Variants in PLEKHG4B observed in about 807,000 individuals in gnomAD.
The protein encoded by PLEKHG4B is pleckstrin homology and RhoGEF domain containing G4B, also known as pleckstrin homology domain-containing family G member 4B.
Under a neutral mutation model 121.3 loss-of-function variants are expected in PLEKHG4B, and 111 were observed. That is an observed-to-expected ratio of 0.92 (90% CI 0.78 to 1.07). The LOEUF (loss-of-function observed/expected upper bound fraction) is 1.07. PLEKHG4B is among the 50% of genes least tolerant of loss of function. PLEKHG4B has a pLI of 0.00. For missense variants in PLEKHG4B, 1,831 were observed against 1,757.8 expected (o/e 1.04, Z -0.74); for synonymous variants, 738 against 725.0 (o/e 1.02, Z -0.29).
At chr5:154,045 C>A (rs899412251) in intron 7 of PLEKHG4B, among the ~76,000 whole-genome samples, 1 of 150,932 alleles carries the variant, frequency 6.6e-6, no homozygotes, top group African/African-American at 2.4e-5. Context: ...CGTTCTATGT[C>A]GCCAGGCTGG....
intron 13 of PLEKHG4B, among the ~76,000 whole-genome samples, chr5:165,191 C>G (rs1437365288): frequency 1.3e-4 from 7 of 54,960 alleles, no homozygotes; most frequent in African/African-American, 4.1e-4. Flanking sequence ...CAGTACTCCT[C>G]TGACGGGGCG....
At position 162,035 on chromosome 5, in the gene PLEKHG4B, G is replaced by C. The variant is rs573702925; in HGVS notation, c.2649+91G>C. 9.9e-5 allele frequency: 144 copies of C among 1,452,608 alleles called. No homozygotes were observed. In the African/African-American group the frequency reaches 1.8e-3, roughly 18 times the overall value. The allele number at this position is 1,452,608 out of a possible 1,614,324, so 90.0% of individuals were successfully genotyped here. A position where few individuals can be genotyped will look rare whatever the true frequency, so the allele number is the denominator to read the frequency against. The stretch of plus-strand genomic sequence containing the variant: ...TGCCTCCCCTCACAAGCTGGAGTGG[G>C]CCAGGCTGTGGGACAGAGGCCGGGC... On this transcript the variant is annotated intron_variant, in intron 12 of 19. Coordinates refer to ENST00000637938, the MANE Select transcript of PLEKHG4B (RefSeq NM_052909.5).
Position 171,150 on chromosome 5 carries a change from G to T in PLEKHG4B, c.3819+18G>T, listed in dbSNP as rs781270036. 1.2e-6 allele frequency: 2 copies of T among 1,608,512 alleles called. No individual in the cohort carries two copies. The highest frequency in any genetic ancestry group is 1.7e-6 in the Non-Finnish European group (2 of 1,176,740). The stretch of plus-strand genomic sequence containing the variant: ...TCTTCAAGGTCATCCCCCTCGGCCC[G>T]CCCCCCACAGCCTGCCCGGCCCTCA... On this transcript the variant is annotated intron_variant, in intron 15 of 19. Coordinates refer to ENST00000637938, the MANE Select transcript of PLEKHG4B (RefSeq NM_052909.5).
At chr5:176,514 G>A (rs966904085) in intron 18 of PLEKHG4B, among the ~76,000 whole-genome samples, 5 of 152,228 alleles carry the variant, frequency 3.3e-5, no homozygotes, top group Admixed American at 2.0e-4. Flanking sequence ...CTCGCAAGTG[G>A]GGAAGCTGAG....
chr5:158,717 C>G (rs2126430021), intron 11 of PLEKHG4B, among the ~76,000 whole-genome samples: 1 of 149,840 alleles, frequency 6.7e-6, no homozygotes, highest in African/African-American at 2.5e-5. Flanking sequence ...TCTCCTTCGT[C>G]TTCCCTTCCT....
intron 2 of PLEKHG4B, among the ~76,000 whole-genome samples, chr5:124,497 C>A (rs1357266894): frequency 6.6e-6 from 1 of 152,184 alleles, no homozygotes; most frequent in Non-Finnish European, 1.5e-5. Flanking sequence ...AAGTCTCCAA[C>A]AATTATTGTA....
At chr5:122,560 C>T (rs1402111373) in intron 2 of PLEKHG4B, among the ~76,000 whole-genome samples, 2 of 152,078 alleles carry the variant, frequency 1.3e-5, no homozygotes, top group African/African-American at 4.8e-5. Flanking sequence ...GCTGGGATTA[C>T]AGGCATCCAC....
chr5:144,614 A>T (rs575702972), intron 5 of PLEKHG4B, among the ~76,000 whole-genome samples: 1 of 152,192 alleles, frequency 6.6e-6, no homozygotes, highest in Non-Finnish European at 1.5e-5. Flanking sequence ...ACACTGTCTG[A>T]CATCAGTAGC....
intron 11 of PLEKHG4B, among the ~76,000 whole-genome samples, chr5:161,515 G>C (rs907780089): frequency 6.6e-6 from 1 of 152,148 alleles, no homozygotes. Context: ...TCCCTCCCTC[G>C]GTCCTGCTAA....
At position 143,101 on chromosome 5, in the gene PLEKHG4B, A is replaced by T. The variant is rs1158551536; in HGVS notation, c.1532A>T (p.His511Leu). Residue 511 changes from histidine to leucine, a missense_variant, in exon 4 of 20, where the codon CAC becomes CTC. Physicochemically the swap from His to Leu is moderately conservative, Grantham distance 99. Coordinates refer to ENST00000637938, the MANE Select transcript of PLEKHG4B (RefSeq NM_052909.5). Reference protein sequence around the residue: ...VSTDGGSLHCHNPSGPSDVPA... With the variant: ...VSTDGGSLHCLNPSGPSDVPA... ...ACAGACGGCGGCAGCCTCCATTGCC[A>T]CAACCCCAGCGGGCCTTCCGATGTG... 1 of 1,613,046 alleles carries T rather than the reference A, an allele frequency of 6.2e-7. No homozygotes were observed. The highest frequency in any genetic ancestry group is 2.2e-5 in the East Asian group (1 of 44,874).
In PLEKHG4B at chr5:156,220, C is replaced by T; in HGVS notation, c.2348+10C>T. The T allele has an allele frequency of 6.7e-7, 1 of 1,487,388 alleles. No homozygotes were observed. The highest frequency in any genetic ancestry group is 9.0e-7 in the Non-Finnish European group (1 of 1,112,462). The allele number at this position is 1,487,388 out of a possible 1,614,324, so 92.1% of individuals were successfully genotyped here. On this transcript the variant is annotated intron_variant, in intron 10 of 19. Transcript: ENST00000637938. This position sits in a 1 kb window ranked among gnomAD's most constrained non-coding sequence, Gnocchi z 4.4. ...GCACAGAAGACAGCCGGTGAGCGCTCACAGGGGTCATGCTGGGCCCTGGCC... is the reference window on the plus strand; with the variant it reads ...GCACAGAAGACAGCCGGTGAGCGCTTACAGGGGTCATGCTGGGCCCTGGCC...
intron 18 of PLEKHG4B, 25 bp from the exon 19 acceptor site, chr5:181,489 A>G: frequency 6.2e-7 from 1 of 1,605,952 alleles, no homozygotes; most frequent in Admixed American, 1.7e-5. Context: ...TGCTTTGGAA[A>G]CTGTCATACT....
At chr5:170,305 C>G (rs917736217) in intron 14 of PLEKHG4B, among the ~76,000 whole-genome samples, 3 of 147,390 alleles carry the variant, frequency 2.0e-5, no homozygotes, top group Non-Finnish European at 3.0e-5. Flanking sequence ...TCAGTGTTTC[C>G]TTTTTTTTTT....
chr5:171,314 T>C lies in PLEKHG4B; in HGVS notation c.3920T>C (p.Leu1307Pro), dbSNP rs746272474. The C allele has an allele frequency of 6.2e-7, 1 of 1,612,470 alleles. No homozygotes were observed. Among genetic ancestry groups the C allele is most frequent in the Non-Finnish European group, 8.5e-7 (1 of 1,179,776 alleles). ...AKYALLLQDL[L>P]KEASCGLAQG... ...TACGCGCTGCTACTCCAGGACCTGC[T>C]CAAGGAGGCCAGCTGTGGCCTGGCC... is the stretch of plus-strand genomic sequence containing the variant. Residue 1307 changes from leucine to proline, a missense_variant, in exon 16 of 20, where the codon CTC becomes CCC. Leu to Pro is a moderately conservative substitution (Grantham distance 98, BLOSUM62 -3). Transcript: ENST00000637938.
chr5:135,187 C>CAAAA (rs35601775), intron 2 of PLEKHG4B, among the ~76,000 whole-genome samples: 8 of 48,760 alleles, frequency 1.6e-4, no homozygotes, highest in African/African-American at 2.5e-4. Flanking sequence ...GACTCCAGCT[C>CAAAA]AAAAAAAAAA....
chr5:100,075 C>G (rs949576190), intron 1 of PLEKHG4B, among the ~76,000 whole-genome samples: 1 of 152,090 alleles, frequency 6.6e-6, no homozygotes, highest in African/African-American at 2.4e-5. Flanking sequence ...ATAATTACCA[C>G]TTGGTCACAG....
chr5:105,547 G>A (rs1354789632), intron 1 of PLEKHG4B, among the ~76,000 whole-genome samples: 1 of 152,196 alleles, frequency 6.6e-6, no homozygotes, highest in Non-Finnish European at 1.5e-5. Context: ...AGTGGTTTGG[G>A]GAGGCCAGGT....
intron 1 of PLEKHG4B, among the ~76,000 whole-genome samples, chr5:108,452 G>GGGCTGGTGTAGACAGACTGGGTGCAGAT (rs1734040284): frequency 6.6e-6 from 1 of 152,116 alleles, no homozygotes; most frequent in Non-Finnish European, 1.5e-5. Flanking sequence ...GTGGAAAGCA[G>GGGCTGGTGTAGACAGACTGGGTGCAGAT]GGCTGGTGTA....
intron 1 of PLEKHG4B, among the ~76,000 whole-genome samples, chr5:103,645 C>G (rs56220412): frequency 0.19 from 28,543 of 152,092 alleles, 3,787 homozygotes; most frequent in African/African-American, 0.37. Flanking sequence ...TTTGATACAT[C>G]TATACAAAGT....
Sources: allele counts gnomAD v4.1 joint callset (sites outside exome capture counted in the v4.1 genomes callset), GRCh38; gene constraint gnomAD v4.1.1; non-coding constraint Gnocchi (gnomAD v3.1); transcripts MANE v1.5; gene names NCBI Gene and HGNC (gene_info 2026-07-23, HGNC 2026-07-21).